Variants in NALCN observed in about 807,000 individuals in gnomAD.
The protein encoded by NALCN is sodium leak channel NALCN.
Under a neutral mutation model 225.3 loss-of-function variants are expected in NALCN, and 111 were observed. The observed-to-expected ratio is 0.49, with a 90% CI of 0.42 to 0.58. The LOEUF (loss-of-function observed/expected upper bound fraction) is 0.58. Among genes scored for constraint, NALCN ranks in the 20% least tolerant of loss-of-function variants. The pLI is 0.00. For missense variants in NALCN, 1,378 were observed against 2,202.4 expected, an observed-to-expected ratio of 0.63 and a Z score of 7.49; for synonymous variants, 764 against 769.0, an observed-to-expected ratio of 0.99 and a Z score of 0.11.
chr13:101,362,080 C>A (rs1389031731), intron 6 of NALCN, among the ~76,000 whole-genome samples: 1 of 151,676 alleles, frequency 6.6e-6, no homozygotes, highest in Non-Finnish European at 1.5e-5. Flanking sequence ...GATCAATGTG[C>A]AGAACAATTT....
chr13:101,227,428 C>T lies in NALCN; in HGVS notation c.1626+1965G>A, dbSNP rs145720806. ...AGCTAGGGAATCTAGGAGTGGCCAA[C>T]CCAGAGATTGACTCCTTGTTGATGA... is the stretch of plus-strand genomic sequence containing the variant. On this transcript the variant is annotated intron_variant, in intron 13 of 43. Coordinates refer to ENST00000251127, the MANE Select transcript of NALCN (RefSeq NM_052867.4). Among the ~76,000 whole-genome samples the T allele has an allele frequency of 3.3e-5, 5 of 152,204 alleles. No individual in the cohort carries two copies. In the East Asian group the frequency reaches 9.7e-4, roughly 29 times the overall value.
chr13:101,110,801 C>T, intron 19 of NALCN, 113 bp from the exon 20 acceptor site: 1 of 1,033,144 alleles, frequency 9.7e-7, no homozygotes, highest in Non-Finnish European at 1.5e-6. Context: ...GCCACAAATG[C>T]CTATGATTTC....
At chr13:101,380,845 T>G (rs911053901) in intron 3 of NALCN, among the ~76,000 whole-genome samples, 4 of 142,412 alleles carry the variant, frequency 2.8e-5, no homozygotes, top group Non-Finnish European at 6.0e-5. Flanking sequence ...AGAGGATATA[T>G]AATGCCTAGC....
chr13:101,367,742 G>A (rs915883475), intron 6 of NALCN, among the ~76,000 whole-genome samples: 3 of 152,110 alleles, frequency 2.0e-5, no homozygotes, highest in Non-Finnish European at 4.4e-5. Flanking sequence ...TGATTTAAAA[G>A]GTGAGATCAT....
intron 13 of NALCN, among the ~76,000 whole-genome samples, chr13:101,225,437 C>T (rs1486363095): frequency 6.6e-6 from 1 of 152,162 alleles, no homozygotes; most frequent in South Asian, 2.1e-4. Flanking sequence ...CAAGTCATTC[C>T]TTTAATGGCT....
chr13:101,392,762 C>G (rs939142229), intron 3 of NALCN, among the ~76,000 whole-genome samples: 1 of 152,036 alleles, frequency 6.6e-6, no homozygotes, highest in African/African-American at 2.4e-5. Flanking sequence ...ATGGAAGCAT[C>G]AAAAGAATTA....
At chr13:101,196,222 C>T (rs2039883784) in intron 13 of NALCN, among the ~76,000 whole-genome samples, 1 of 152,106 alleles carries the variant, frequency 6.6e-6, no homozygotes, top group South Asian at 2.1e-4. Flanking sequence ...GACTATTTCT[C>T]ACATGTCTCA....
chr13:101,310,171 C>T (rs142346001), intron 7 of NALCN, among the ~76,000 whole-genome samples: 5 of 152,260 alleles, frequency 3.3e-5, no homozygotes, highest in African/African-American at 1.2e-4. Context: ...CTATTCTCTG[C>T]CCAGCAAGCA....
chr13:101,397,675 A>G (rs2047354619), intron 2 of NALCN, among the ~76,000 whole-genome samples: 1 of 151,596 alleles, frequency 6.6e-6, no homozygotes, highest in Non-Finnish European at 1.5e-5. Flanking sequence ...CTAAGACAAT[A>G]GATCCATAAA....
chr13:101,300,098 G>A (rs768519901), intron 7 of NALCN, among the ~76,000 whole-genome samples: 3 of 151,874 alleles, frequency 2.0e-5, no homozygotes, highest in African/African-American at 7.3e-5. Context: ...CATTTGTCAC[G>A]GTGGCTGGAT....
chr13:101,062,626 G>A (rs766337687), intron 40 of NALCN, among the ~76,000 whole-genome samples: 1 of 151,808 alleles, frequency 6.6e-6, no homozygotes, highest in Non-Finnish European at 1.5e-5. Flanking sequence ...TTTTTGAGAT[G>A]GAGCTTCACT....
At chr13:101,058,968 A>G (rs34972871) in intron 42 of NALCN, 1 of 152,092 alleles carries the variant, frequency 6.6e-6, no homozygotes, top group African/African-American at 2.4e-5. Context: ...GAGCTATGGC[A>G]CCAGTGGGCC....
chr13:101,416,140 C>T (rs950397333), intron 1 of NALCN, among the ~76,000 whole-genome samples, 173 bp downstream of exon 1: 1 of 151,636 alleles, frequency 6.6e-6, no homozygotes, highest in South Asian at 2.1e-4. Context: ...CCCTCCCCCG[C>T]GCGGGGCCCC....
At chr13:101,220,447 G>C (rs1388659489) in intron 13 of NALCN, among the ~76,000 whole-genome samples, 1 of 152,040 alleles carries the variant, frequency 6.6e-6, no homozygotes, top group Non-Finnish European at 1.5e-5. Flanking sequence ...ATTTGATTAG[G>C]GATGATAATG....
At position 101,351,860 on chromosome 13, in the gene NALCN, A is replaced by T. The variant is rs142312599; in HGVS notation, c.645-6440T>A. On this transcript the variant is annotated intron_variant, in intron 6 of 43. Coordinates refer to ENST00000251127, the MANE Select transcript of NALCN (RefSeq NM_052867.4). ...GACAAAGGCAATAGCTTAAGACTTCATGTTAAGATTCCTCTCTTCGTTATT... is the reference window on the plus strand; with the variant it reads ...GACAAAGGCAATAGCTTAAGACTTCTTGTTAAGATTCCTCTCTTCGTTATT... Among the ~76,000 whole-genome samples the T allele has an allele frequency of 2.0e-4, 30 of 152,272 alleles. No individual in the cohort carries two copies. In the East Asian group the frequency reaches 5.6e-3, roughly 28 times the overall value.
At chr13:101,187,192 T>C (rs923813365) in intron 14 of NALCN, among the ~76,000 whole-genome samples, 9 of 152,222 alleles carry the variant, frequency 5.9e-5, no homozygotes, top group Admixed American at 5.9e-4. Context: ...TTACAGTATA[T>C]TGTCATAACT....
chr13:101,055,029 T>G lies in NALCN; in HGVS notation c.*266A>C, dbSNP rs1214970806. ...TTACGCAGACAGAATATATGACATT[T>G]TTAAGTGATATACATTTGCTTGCGG... On this transcript the variant is annotated 3_prime_UTR_variant, in exon 44 of 44. Coordinates refer to ENST00000251127, the MANE Select transcript of NALCN (RefSeq NM_052867.4). The G allele has an allele frequency of 1.1e-5, 5 of 452,860 alleles. No homozygotes were observed. Among genetic ancestry groups the G allele is most frequent in the Non-Finnish European group, 2.0e-5 (5 of 255,054 alleles). The allele number at this position is 452,860 out of a possible 1,614,324, so 28.1% of individuals were successfully genotyped here.
At chr13:101,257,011 C>T (rs149836017) in intron 11 of NALCN, among the ~76,000 whole-genome samples, 4,959 of 152,208 alleles carry the variant, frequency 0.033, 112 homozygotes, top group Non-Finnish European at 0.048. Flanking sequence ...GATCCACCCG[C>T]CTTGGCCTCC....
At chr13:101,186,302 G>A (rs536680136) in intron 14 of NALCN, among the ~76,000 whole-genome samples, 1 of 152,286 alleles carries the variant, frequency 6.6e-6, no homozygotes, top group South Asian at 2.1e-4. Context: ...GTCTGTGTTC[G>A]TTATTGCTAA....
Sources: allele counts gnomAD v4.1 joint callset (sites outside exome capture counted in the v4.1 genomes callset), GRCh38; gene constraint gnomAD v4.1.1; transcripts MANE v1.5; gene names NCBI Gene and HGNC (gene_info 2026-07-23, HGNC 2026-07-21).